PATJ: variants seen among roughly 807,000 people sequenced by gnomAD.
PATJ encodes inaD-like protein.
In PATJ, 190 loss-of-function variants were observed where a neutral mutation model predicts 224.9. That is an observed-to-expected ratio of 0.84 (90% CI 0.75 to 0.95). The LOEUF is 0.95. Among genes scored for constraint, PATJ ranks in the 40% least tolerant of loss-of-function variants. The pLI is 0.00. For synonymous variants in PATJ, 769 were observed against 820.3 expected, an observed-to-expected ratio of 0.94 and a Z score of 1.07; for missense variants, 2,121 against 2,270.3, an observed-to-expected ratio of 0.93 and a Z score of 1.34.
chr1:61,900,629 G>A (rs901438875), intron 23 of PATJ, among the ~76,000 whole-genome samples: 8 of 151,860 alleles, frequency 5.3e-5, no homozygotes, highest in African/African-American at 4.8e-5. Context: ...TGGCTCTGTC[G>A]CCCGGGCTGG....
chr1:62,143,502 G>A (rs1193338730), intron 41 of PATJ, among the ~76,000 whole-genome samples: 2 of 126,692 alleles, frequency 1.6e-5, no homozygotes, highest in African/African-American at 6.1e-5. Context: ...CCAGGCTGAA[G>A]TGCCATGGCT....
At chr1:61,851,510 A>G (rs1439640939) in intron 17 of PATJ, among the ~76,000 whole-genome samples, 2 of 152,154 alleles carry the variant, frequency 1.3e-5, no homozygotes, top group Non-Finnish European at 1.5e-5. Flanking sequence ...GGGAGCAGGC[A>G]GTGATATGTA....
chr1:61,760,436 C>A (rs950121833), intron 1 of PATJ, among the ~76,000 whole-genome samples: 1 of 152,008 alleles, frequency 6.6e-6, no homozygotes, highest in African/African-American at 2.4e-5. Flanking sequence ...AAGTGTGTAT[C>A]ACTAGTAAAA....
intron 17 of PATJ, among the ~76,000 whole-genome samples, chr1:61,840,323 A>T (rs17371638): frequency 0.056 from 8,593 of 152,128 alleles, 327 homozygotes; most frequent in South Asian, 0.12. Flanking sequence ...AAAATAGGTA[A>T]TACATACATA....
At position 61,944,420 on chromosome 1, in the gene PATJ, G is replaced by A. The variant is rs1193469149; in HGVS notation, c.3670+16591G>A. 3.3e-5 allele frequency among the ~76,000 whole-genome samples: 5 copies of A among 152,102 alleles called. No homozygotes were observed. In the South Asian group the frequency reaches 6.2e-4, roughly 19 times the overall value. On this transcript the variant is annotated intron_variant, in intron 27 of 43. Transcript: ENST00000642238. ...CTGAAAATCATGGCACGAGAAGTAC[G>A]TGACGAATGCACAAGCTTCAGTAGC...
rs527739497 is a variant in PATJ at position 61,773,722 on chromosome 1, G to A, written c.721-1484G>A. 4.8e-4 allele frequency among the ~76,000 whole-genome samples: 73 copies of A among 152,048 alleles called. 1 individual carries two copies. Among genetic ancestry groups the A allele is most frequent in the Middle Eastern group, 3.4e-3 (1 of 294 alleles). On this transcript the variant is annotated intron_variant, in intron 6 of 43. Transcript: ENST00000642238. The stretch of plus-strand genomic sequence containing the variant: ...GAATTGCTTGAACCTGGCAGGCGGA[G>A]GTTGCAGTGAGCTATTATGCCACTG...
chr1:61,760,541 A>C (rs1645903870), intron 1 of PATJ, among the ~76,000 whole-genome samples: 1 of 152,046 alleles, frequency 6.6e-6, no homozygotes, highest in South Asian at 2.1e-4. Flanking sequence ...AATTTCATCA[A>C]ATCACTGGAA....
chr1:62,090,467 T>C (rs1342768880), intron 33 of PATJ, among the ~76,000 whole-genome samples: 1 of 152,124 alleles, frequency 6.6e-6, no homozygotes, highest in Non-Finnish European at 1.5e-5. Flanking sequence ...CAATGAAAAG[T>C]CATAATAATG....
rs1669367008 is a variant in PATJ at position 62,157,620 on chromosome 1, C to G, written c.5503-3288C>G. ...CCAAGGCAGGTGGATCACCTGAGGT[C>G]AGGAGTTAAAGACCAGCCTGGCCAA... On this transcript the variant is annotated intron_variant, in intron 43 of 43. Coordinates refer to ENST00000642238, the MANE Select transcript of PATJ (RefSeq NM_001350145.3). 1.3e-5 allele frequency among the ~76,000 whole-genome samples: 2 copies of G among 148,464 alleles called. 1 individual carries two copies. The highest frequency in any genetic ancestry group is 3.0e-5 in the Non-Finnish European group (2 of 66,824).
intron 28 of PATJ, among the ~76,000 whole-genome samples, chr1:61,996,266 A>G (rs1250930624): frequency 6.6e-6 from 1 of 152,208 alleles, no homozygotes; most frequent in East Asian, 1.9e-4. Context: ...AAAAAACCGA[A>G]ACCATAAAAG....
intron 28 of PATJ, among the ~76,000 whole-genome samples, chr1:62,000,229 G>A (rs148326901): frequency 0.037 from 5,209 of 140,130 alleles, 247 homozygotes; most frequent in African/African-American, 0.11. Context: ...TTAAGTTTTA[G>A]GGTACATGTG....
At chr1:61,932,680 A>C (rs571727764) in intron 27 of PATJ, among the ~76,000 whole-genome samples, 4 of 152,324 alleles carry the variant, frequency 2.6e-5, no homozygotes, top group African/African-American at 9.6e-5. Context: ...TGGGTGGATC[A>C]CCTGAGGTCA....
At chr1:61,818,679 C>T (rs960649601) in intron 14 of PATJ, among the ~76,000 whole-genome samples, 4 of 152,132 alleles carry the variant, frequency 2.6e-5, no homozygotes, top group African/African-American at 4.8e-5. Context: ...ATTTGTTCAC[C>T]CTAATTGAAG....
At chr1:61,820,492 G>A (rs1224845237) in intron 14 of PATJ, among the ~76,000 whole-genome samples, 1 of 152,034 alleles carries the variant, frequency 6.6e-6, no homozygotes, top group Non-Finnish European at 1.5e-5. Context: ...ACAGGCATGT[G>A]CCACCACACT....
intron 29 of PATJ, among the ~76,000 whole-genome samples, chr1:62,033,403 C>A (rs962130014): frequency 2.0e-5 from 3 of 152,142 alleles, no homozygotes; most frequent in African/African-American, 7.2e-5. Context: ...AGAGATGGAA[C>A]CAGGGCAGCT....
At chr1:61,948,694 C>G (rs147891464) in intron 27 of PATJ, among the ~76,000 whole-genome samples, 6,596 of 152,206 alleles carry the variant, frequency 0.043, 536 homozygotes, top group African/African-American at 0.15. Flanking sequence ...TACCATTTGA[C>G]CCAGCCATCC....
Position 62,047,796 on chromosome 1 carries a change from T to G in PATJ, c.4033-3170T>G, listed in dbSNP as rs868259552. On this transcript the variant is annotated intron_variant, in intron 30 of 43. Transcript: ENST00000642238. ...CAAGATGTATTAACTTGGGTATGTT[T>G]ATTTCACATGGTAACTCCTTGATTA... Among the ~76,000 whole-genome samples the G allele has an allele frequency of 1.4e-4, 22 of 152,368 alleles. No homozygotes were observed. In the Middle Eastern group the frequency reaches 0.01, roughly 71 times the overall value.
chr1:61,771,208 T>G (rs1646587337), intron 5 of PATJ, among the ~76,000 whole-genome samples: 2 of 152,180 alleles, frequency 1.3e-5, no homozygotes, highest in African/African-American at 4.8e-5. Flanking sequence ...AGATAGCTTT[T>G]AAAGTGTGTC....
intron 26 of PATJ, among the ~76,000 whole-genome samples, chr1:61,917,037 TGAG>T (rs1673552438): frequency 1.3e-5 from 2 of 152,144 alleles, no homozygotes; most frequent in Non-Finnish European, 2.9e-5. Flanking sequence ...TGGAAGCAAC[TGAG>T]GAGGTTAGGA....
Sources: allele counts gnomAD v4.1 joint callset (sites outside exome capture counted in the v4.1 genomes callset), GRCh38; gene constraint gnomAD v4.1.1; transcripts MANE v1.5; gene names NCBI Gene and HGNC (gene_info 2026-07-23, HGNC 2026-07-21).